The following COL13A1 variants were observed in gnomAD, a reference collection of about 807,000 sequenced individuals.
The protein encoded by COL13A1 is collagen alpha-1(XIII) chain.
COL13A1 carries 89 observed loss-of-function variants against 130.9 expected under a neutral mutation model. The observed-to-expected ratio is 0.68, with a 90% confidence interval of 0.57 to 0.81. The LOEUF is 0.81. Among genes scored for constraint, COL13A1 ranks in the 30% least tolerant of loss-of-function variants. The probability of loss-of-function intolerance (pLI) is 0.00; values close to 1 mark genes in which losing one functional copy is unlikely to be tolerated. For synonymous variants in COL13A1, 402 were observed against 341.6 expected, an observed-to-expected ratio of 1.18 and a Z score of -1.95; for missense variants, 879 against 934.6, an observed-to-expected ratio of 0.94 and a Z score of 0.78.
At chr10:69,911,886 C>A (rs959597860) in intron 17 of COL13A1, among the ~76,000 whole-genome samples, 6 of 152,236 alleles carry the variant, frequency 3.9e-5, no homozygotes, top group Non-Finnish European at 7.3e-5. Context: ...CAACCTTCCA[C>A]GACAGCTATT....
At chr10:69,824,812 A>G (rs1847093148) in intron 2 of COL13A1, among the ~76,000 whole-genome samples, 1 of 152,250 alleles carries the variant, frequency 6.6e-6, no homozygotes, top group Admixed American at 6.5e-5. Flanking sequence ...CATCAGAGCC[A>G]GTGGGCAATG....
At chr10:69,847,041 C>G (rs1478667014) in intron 2 of COL13A1, among the ~76,000 whole-genome samples, 1 of 152,232 alleles carries the variant, frequency 6.6e-6, no homozygotes, top group African/African-American at 2.4e-5. Flanking sequence ...TTTCTTGACC[C>G]TCGCCTGCTT....
chr10:69,887,581 C>T, intron 8 of COL13A1, 90 bp downstream of exon 8: 2 of 1,382,016 alleles, frequency 1.4e-6, no homozygotes, highest in Admixed American at 2.0e-5. Context: ...CCCGGTTCCA[C>T]TCTTTCTCTC....
intron 2 of COL13A1, among the ~76,000 whole-genome samples, chr10:69,831,043 T>G (rs1848701667): frequency 6.6e-6 from 1 of 152,248 alleles, no homozygotes; most frequent in African/African-American, 2.4e-5. Context: ...TACATTATAT[T>G]GCTTTTAAGC....
chr10:69,938,139 C>T lies in COL13A1; in HGVS notation c.1878+424C>T, dbSNP rs555439357. Among the ~76,000 whole-genome samples, 425 of 152,234 alleles carry T rather than the reference C, an allele frequency of 2.8e-3. 1 individual carries two copies. The highest frequency in any genetic ancestry group is 5.4e-3 in the Non-Finnish European group (370 of 67,930). ...AGAACTCTTGCTCCCCCCTCTTAAG[C>T]ACTGGTCATTGCAGAAAGGCACAGA... On this transcript the variant is annotated intron_variant, in intron 34 of 40. Coordinates refer to ENST00000645393, the MANE Select transcript of COL13A1 (RefSeq NM_001368882.1).
intron 2 of COL13A1, among the ~76,000 whole-genome samples, chr10:69,828,598 C>T (rs1041081458): frequency 4.6e-5 from 7 of 152,250 alleles, no homozygotes; most frequent in African/African-American, 1.7e-4. Context: ...TTGCACACAA[C>T]TCATGCTATT....
In COL13A1 at chr10:69,902,712, G is replaced by C. The variant is rs190693900; in HGVS notation, c.751-36G>C. 3.9e-4 allele frequency: 595 copies of C among 1,521,260 alleles called. 12 individuals are homozygous for C. The East Asian group carries it at 0.014, about 37-fold the overall frequency. The allele number at this position is 1,521,260 out of a possible 1,614,324, so 94.2% of individuals were successfully genotyped here. On this transcript the variant is annotated intron_variant, in intron 14 of 40. Transcript: ENST00000645393. ...GTGGGGGACGGTCTGCAGCTCTGGG[G>C]GCCTTCCCTCTAACATTCGTTTCCA...
intron 1 of COL13A1, among the ~76,000 whole-genome samples, chr10:69,817,734 G>C (rs1207249451): frequency 6.6e-6 from 1 of 151,882 alleles, no homozygotes; most frequent in South Asian, 2.1e-4. Flanking sequence ...ATTTGAGCCG[G>C]GCACGGAGGG....
intron 4 of COL13A1, among the ~76,000 whole-genome samples, chr10:69,873,504 G>A (rs2059287281): frequency 6.6e-6 from 1 of 152,190 alleles, no homozygotes; most frequent in Non-Finnish European, 1.5e-5. Flanking sequence ...GGGGGCAATT[G>A]ACAGAGCAAG....
chr10:69,940,895 G>A (rs1166563805), intron 34 of COL13A1, 93 bp from the exon 35 acceptor site: 1 of 1,554,602 alleles, frequency 6.4e-7, no homozygotes, highest in Non-Finnish European at 8.9e-7. Context: ...CAGAGTCACT[G>A]CTTTACTCAC....
chr10:69,914,667 C>T (rs908466889), intron 17 of COL13A1, among the ~76,000 whole-genome samples: 3 of 152,198 alleles, frequency 2.0e-5, no homozygotes, highest in Non-Finnish European at 2.9e-5. Flanking sequence ...CACCAGAGGA[C>T]TGTGGGGGCC....
intron 35 of COL13A1, among the ~76,000 whole-genome samples, chr10:69,942,878 C>T (rs10999031): frequency 0.039 from 5,874 of 152,256 alleles, 200 homozygotes; most frequent in South Asian, 0.15. Flanking sequence ...GACAGAGTCT[C>T]GCTCTGTCAC....
chr10:69,865,385 G>A (rs1226648420), intron 2 of COL13A1, among the ~76,000 whole-genome samples: 1 of 152,218 alleles, frequency 6.6e-6, no homozygotes, highest in African/African-American at 2.4e-5. Context: ...ACAGCATCAG[G>A]GGAAGCATCT....
chr10:69,871,160 A>G (rs1311861026), intron 3 of COL13A1, among the ~76,000 whole-genome samples: 2 of 151,978 alleles, frequency 1.3e-5, no homozygotes, highest in Non-Finnish European at 2.9e-5. Flanking sequence ...GGAAGTTTAG[A>G]AGCAAGAGGA....
intron 2 of COL13A1, among the ~76,000 whole-genome samples, chr10:69,855,468 G>T (rs1454680716): frequency 6.6e-6 from 1 of 151,914 alleles, no homozygotes. Context: ...ATATTATAAC[G>T]AACTAATAAC....
At chr10:69,910,571 T>A (rs750568218) in intron 17 of COL13A1, among the ~76,000 whole-genome samples, 6 of 152,162 alleles carry the variant, frequency 3.9e-5, no homozygotes, top group Admixed American at 6.5e-5. Flanking sequence ...CTCCATCAGT[T>A]CCTTGAGATC....
At chr10:69,862,020 G>A (rs915508931) in intron 2 of COL13A1, among the ~76,000 whole-genome samples, 1 of 152,198 alleles carries the variant, frequency 6.6e-6, no homozygotes, top group Admixed American at 6.5e-5. Flanking sequence ...AATTTCTGTG[G>A]TGTGAATACT....
At chr10:69,813,567 C>T (rs879303756) in intron 1 of COL13A1, among the ~76,000 whole-genome samples, 3 of 152,092 alleles carry the variant, frequency 2.0e-5, no homozygotes, top group Admixed American at 6.5e-5. Context: ...TGATCAGGTG[C>T]CAAGTCCACT....
intron 2 of COL13A1, among the ~76,000 whole-genome samples, chr10:69,832,863 G>A (rs1191148644): frequency 3.9e-5 from 6 of 152,172 alleles, no homozygotes; most frequent in South Asian, 2.1e-4. Context: ...AGACAGAGTC[G>A]GGCATCCTCT....
Sources: gnomAD v4.1 joint callset for allele counts (sites outside exome capture counted in the v4.1 genomes callset) on GRCh38, gnomAD v4.1.1 for gene constraint, MANE v1.5 for transcripts, NCBI Gene and HGNC (gene_info 2026-07-23, HGNC 2026-07-21) for gene names.